Variants in COL5A2 observed in about 807,000 individuals in gnomAD.
COL5A2 encodes collagen alpha-2(V) chain.
COL5A2 carries 23 observed loss-of-function variants against 208.2 expected under a neutral mutation model. The ratio of observed to expected loss-of-function variants is 0.11; its 90% CI spans 0.08 to 0.16. The LOEUF (loss-of-function observed/expected upper bound fraction) is 0.16. Ranked by LOEUF, COL5A2 falls within the 10% of genes least tolerant of loss-of-function variation. The pLI, the probability that COL5A2 is intolerant of heterozygous loss-of-function variation, is 1.00. For synonymous variants in COL5A2, 625 were observed against 628.5 expected (o/e 0.99, Z 0.08); for missense variants, 1,590 against 1,956.4 (o/e 0.81, Z 3.53).
chr2:189,333,909 C>G, the COL5A2 span, among the ~76,000 whole-genome samples: 1 of 150,622 alleles, frequency 6.6e-6, no homozygotes, highest in South Asian at 2.1e-4. Context: ...CAGCATACTA[C>G]TGGTAATGAA....
intron 18 of COL5A2, among the ~76,000 whole-genome samples, chr2:189,071,753 TC>T (rs1172172012): frequency 2.6e-5 from 4 of 152,186 alleles, no homozygotes; most frequent in African/African-American, 9.7e-5. Flanking sequence ...AAGCTCCTAT[TC>T]CTTATAGTTG....
chr2:189,338,492 C>T, the COL5A2 span, among the ~76,000 whole-genome samples: 1 of 152,056 alleles, frequency 6.6e-6, no homozygotes, highest in African/African-American at 2.4e-5. Context: ...TCCCCCAAGG[C>T]CTCTTCTCCG....
rs748359648 is a variant in COL5A2, at chr2:189,063,964, T to C, written c.1770+16A>G. The C allele has an allele frequency of 3.7e-6, 6 of 1,604,176 alleles. No homozygotes were observed. The highest frequency in any genetic ancestry group is 2.2e-5 in the East Asian group (1 of 44,692). On this transcript the variant is annotated intron_variant, in intron 26 of 53. Transcript: ENST00000374866. ...AAAAATATTAGTGGTTGTGGACTTCTGTTTAAATTACTTACCAAAGGTCCA... is the reference window on the plus strand; with the variant it reads ...AAAAATATTAGTGGTTGTGGACTTCCGTTTAAATTACTTACCAAAGGTCCA...
chr2:189,039,921 C>A (rs759711560), intron 50 of COL5A2, among the ~76,000 whole-genome samples: 6 of 152,080 alleles, frequency 3.9e-5, no homozygotes, highest in Non-Finnish European at 8.8e-5. Flanking sequence ...CAAGGTACAA[C>A]CAAAATGTTT....
At chr2:189,336,992 T>C in the COL5A2 span, among the ~76,000 whole-genome samples, 1 of 152,288 alleles carries the variant, frequency 6.6e-6, no homozygotes, top group South Asian at 2.1e-4. Flanking sequence ...ACTATTTTTT[T>C]CTGGCCTACT....
chr2:189,058,719 A>G (rs1038529965), intron 32 of COL5A2, 130 bp downstream of exon 32: 25 of 968,242 alleles, frequency 2.6e-5, no homozygotes, highest in Admixed American at 1.2e-4. Context: ...AATATTTCTC[A>G]TAAAATTAAT....
chr2:189,357,816 C>A, the COL5A2 span, among the ~76,000 whole-genome samples: 1 of 151,586 alleles, frequency 6.6e-6, no homozygotes, highest in Non-Finnish European at 1.5e-5. Flanking sequence ...CAAAGGGCTC[C>A]CCAGTTTTGT....
chr2:189,335,023 TA>T, the COL5A2 span, among the ~76,000 whole-genome samples: 1 of 152,116 alleles, frequency 6.6e-6, no homozygotes, highest in Admixed American at 6.5e-5. Flanking sequence ...TATCCATATT[TA>T]AAAAAATCCT....
At chr2:189,311,070 C>T in the COL5A2 span, among the ~76,000 whole-genome samples, 1 of 152,244 alleles carries the variant, frequency 6.6e-6, no homozygotes, top group East Asian at 1.9e-4. Context: ...TGCTACTCAG[C>T]ACCCTGGATT....
chr2:189,414,714 A>C, the COL5A2 span, among the ~76,000 whole-genome samples: 1 of 125,904 alleles, frequency 7.9e-6, no homozygotes, highest in East Asian at 2.4e-4. Flanking sequence ...AGATCGCACC[A>C]CCCCACTCCA....
chr2:189,084,330 T>A (rs1686603646), intron 11 of COL5A2, among the ~76,000 whole-genome samples: 1 of 152,200 alleles, frequency 6.6e-6, no homozygotes, highest in Admixed American at 6.6e-5. Context: ...TCAAAATTTA[T>A]ACACATAAAC....
chr2:189,154,946 T>C (rs1000318475), intron 1 of COL5A2, among the ~76,000 whole-genome samples: 4 of 152,126 alleles, frequency 2.6e-5, no homozygotes, highest in Non-Finnish European at 5.9e-5. Context: ...TGAAATAAAA[T>C]AATAATAAGG....
chr2:189,203,171 T>C (rs376223854), intron 1 of COL5A2, among the ~76,000 whole-genome samples: 7 of 152,210 alleles, frequency 4.6e-5, no homozygotes, highest in African/African-American at 9.6e-5. Flanking sequence ...GACCGTAATA[T>C]AATCGCCCTG....
At chr2:189,195,624 C>A (rs183003517) in intron 1 of COL5A2, among the ~76,000 whole-genome samples, 12 of 152,152 alleles carry the variant, frequency 7.9e-5, no homozygotes, top group Admixed American at 3.9e-4. Context: ...GACATATAGA[C>A]CAATGGATCA....
chr2:189,357,985 C>T, the COL5A2 span, among the ~76,000 whole-genome samples: 2 of 152,214 alleles, frequency 1.3e-5, no homozygotes, highest in South Asian at 2.1e-4. Flanking sequence ...AGGGAAAGCC[C>T]ATGACCCCTT....
chr2:189,293,852 A>G, the COL5A2 span, among the ~76,000 whole-genome samples: 10 of 152,266 alleles, frequency 6.6e-5, no homozygotes, highest in Non-Finnish European at 1.0e-4. Flanking sequence ...TTGGGAGGCC[A>G]AGGCGGGCAC....
At chr2:189,440,341 CACAAACCTAG>C in the COL5A2 span, among the ~76,000 whole-genome samples, 1 of 152,202 alleles carries the variant, frequency 6.6e-6, no homozygotes, top group East Asian at 1.9e-4. Flanking sequence ...AGTGTACCTA[CACAAACCTAG>C]ATGGTACAGC....
chr2:189,327,430 A>C, the COL5A2 span, among the ~76,000 whole-genome samples: 3 of 152,192 alleles, frequency 2.0e-5, no homozygotes, highest in Non-Finnish European at 4.4e-5. Flanking sequence ...AAGAAGAAGA[A>C]GACAGAATTA....
At chr2:189,252,771 A>C in the COL5A2 span, among the ~76,000 whole-genome samples, 1 of 151,868 alleles carries the variant, frequency 6.6e-6, no homozygotes, top group African/African-American at 2.4e-5. Flanking sequence ...AAATAAATAA[A>C]ATTTTAAAAT....
Sources: gnomAD v4.1 joint callset for allele counts (sites outside exome capture counted in the v4.1 genomes callset) on GRCh38, gnomAD v4.1.1 for gene constraint, MANE v1.5 for transcripts, NCBI Gene and HGNC (gene_info 2026-07-23, HGNC 2026-07-21) for gene names.